Variants in XKR9 observed in about 807,000 individuals in gnomAD.
XKR9 encodes the protein XK related 9.
In XKR9, 32 loss-of-function variants were observed where a neutral mutation model predicts 32.0. That is an observed-to-expected ratio of 1.00 (90% CI 0.76 to 1.34). XKR9 has a LOEUF of 1.34. Ranked by LOEUF, XKR9 falls within the 40% of genes most tolerant of loss-of-function variation. The probability of loss-of-function intolerance (pLI) is 0.00; values close to 1 mark genes in which losing one functional copy is unlikely to be tolerated. For missense variants in XKR9, 546 were observed against 429.7 expected (o/e 1.27, Z -2.39); for synonymous variants, 168 against 143.4 (o/e 1.17, Z -1.22).
chr8:70,875,336 G>A, the XKR9 span, among the ~76,000 whole-genome samples: 7 of 152,144 alleles, frequency 4.6e-5, no homozygotes, highest in Admixed American at 4.6e-4. Context: ...TTAGGCACAT[G>A]ACTTGCCTTG....
At chr8:70,964,675 T>C in the XKR9 span, among the ~76,000 whole-genome samples, 3 of 152,162 alleles carry the variant, frequency 2.0e-5, no homozygotes, top group African/African-American at 7.2e-5. Flanking sequence ...TCACTTCCCT[T>C]GTTCACTGTA....
At chr8:70,948,072 A>G in the XKR9 span, among the ~76,000 whole-genome samples, 5 of 152,212 alleles carry the variant, frequency 3.3e-5, no homozygotes, top group East Asian at 1.9e-4. Flanking sequence ...TCTCTCAGCC[A>G]TTAGTGTGTA....
the XKR9 span, among the ~76,000 whole-genome samples, chr8:70,848,219 T>C: frequency 6.6e-6 from 1 of 152,008 alleles, no homozygotes; most frequent in South Asian, 2.1e-4. Flanking sequence ...AGAAATTATA[T>C]GATTAATTCA....
the XKR9 span, among the ~76,000 whole-genome samples, chr8:70,983,155 T>C: frequency 1.3e-5 from 2 of 152,186 alleles, no homozygotes; most frequent in East Asian, 3.8e-4. Flanking sequence ...TTGAGTTAAA[T>C]GACCCACAAG....
At chr8:70,787,481 C>A (rs1016178322) in intron 2 of XKR9, among the ~76,000 whole-genome samples, 1 of 152,026 alleles carries the variant, frequency 6.6e-6, no homozygotes, top group African/African-American at 2.4e-5. Flanking sequence ...GTCTAGAAAC[C>A]CAGGACCTGA....
chr8:70,957,740 A>G, the XKR9 span, among the ~76,000 whole-genome samples: 1 of 140,898 alleles, frequency 7.1e-6, no homozygotes, highest in Non-Finnish European at 1.5e-5. Context: ...GCTGCATAGT[A>G]TTCCATGGTG....
At chr8:70,887,814 A>C in the XKR9 span, among the ~76,000 whole-genome samples, 1 of 152,072 alleles carries the variant, frequency 6.6e-6, no homozygotes, top group Non-Finnish European at 1.5e-5. Context: ...CAGCTTAAGG[A>C]GCTTTGGGGC....
At chr8:70,809,006 G>A in the XKR9 span, among the ~76,000 whole-genome samples, 1 of 152,222 alleles carries the variant, frequency 6.6e-6, no homozygotes. Context: ...CCTCAAGTGG[G>A]TCCCTGACCC....
chr8:70,823,551 A>G, the XKR9 span, among the ~76,000 whole-genome samples: 198 of 152,318 alleles, frequency 1.3e-3, no homozygotes, highest in African/African-American at 4.3e-3. Context: ...TTTTCTGCTT[A>G]TCTCTGATAG....
chr8:70,737,096 A>G (rs1057350742), downstream of XKR9, among the ~76,000 whole-genome samples: 1 of 151,142 alleles, frequency 6.6e-6, no homozygotes, highest in Non-Finnish European at 1.5e-5. Flanking sequence ...CTTCCTATCC[A>G]TGAGCATGGA....
downstream of XKR9, among the ~76,000 whole-genome samples, chr8:70,792,132 T>C (rs1173293919): frequency 2.0e-5 from 3 of 152,286 alleles, no homozygotes; most frequent in Admixed American, 2.0e-4. Flanking sequence ...ATCTCTCTAA[T>C]TTTGGAACAC....
At chr8:71,027,481 G>A in the XKR9 span, among the ~76,000 whole-genome samples, 2 of 132,342 alleles carry the variant, frequency 1.5e-5, no homozygotes, top group Non-Finnish European at 3.4e-5. Flanking sequence ...TATTTTAATA[G>A]AAATATATAT....
chr8:70,692,208 C>A (rs901384819), intron 3 of XKR9, among the ~76,000 whole-genome samples: 2 of 151,964 alleles, frequency 1.3e-5, no homozygotes, highest in African/African-American at 4.8e-5. Flanking sequence ...TCTTATTTGG[C>A]TCTCAGTTTG....
chr8:70,896,220 TA>T, the XKR9 span, among the ~76,000 whole-genome samples: 12,724 of 152,184 alleles, frequency 0.084, 606 homozygotes, highest in African/African-American at 0.097. Context: ...GTTGACCTCA[TA>T]AAATGAGTTG....
chr8:70,751,503 T>G (rs1807140631), intron 2 of XKR9, among the ~76,000 whole-genome samples: 1 of 152,128 alleles, frequency 6.6e-6, no homozygotes, highest in African/African-American at 2.4e-5. Flanking sequence ...TTTCTGGGTG[T>G]GGTTGTGAGG....
At chr8:70,842,513 AAC>A in the XKR9 span, among the ~76,000 whole-genome samples, 2 of 150,084 alleles carry the variant, frequency 1.3e-5, no homozygotes, top group Admixed American at 1.3e-4. Flanking sequence ...GCCAATAAAT[AAC>A]ACAAACACAC....
At chr8:70,699,862 C>T (rs1805451958) in intron 3 of XKR9, among the ~76,000 whole-genome samples, 1 of 152,174 alleles carries the variant, frequency 6.6e-6, no homozygotes. Flanking sequence ...TCCCATATTT[C>T]TTGGAGGCTT....
chr8:71,009,233 G>T, the XKR9 span, among the ~76,000 whole-genome samples: 2 of 152,194 alleles, frequency 1.3e-5, no homozygotes, highest in Non-Finnish European at 2.9e-5. Flanking sequence ...TGGCCCATGG[G>T]CCGCATGCAG....
chr8:70,872,371 C>G, the XKR9 span, among the ~76,000 whole-genome samples: 1 of 152,136 alleles, frequency 6.6e-6, no homozygotes, highest in African/African-American at 2.4e-5. Flanking sequence ...AAGTTTGAAG[C>G]TAGCAGAGGT....
Sources: allele counts gnomAD v4.1 joint callset (sites outside exome capture counted in the v4.1 genomes callset), GRCh38; gene constraint gnomAD v4.1.1; transcripts MANE v1.5; gene names NCBI Gene and HGNC (gene_info 2026-07-23, HGNC 2026-07-21).